TICAM2: variants seen among roughly 807,000 people sequenced by gnomAD.
TICAM2 encodes the protein TIR domain-containing adapter molecule 2.
TICAM2 carries 8 observed loss-of-function variants against 7.3 expected under a neutral mutation model. The observed-to-expected ratio is 1.10, with a 90% confidence interval of 0.65 to 1.99. The LOEUF (loss-of-function observed/expected upper bound fraction) is 1.99. Ranked by LOEUF, TICAM2 falls within the 30% of genes most tolerant of loss-of-function variation. TICAM2 has a pLI of 0.00. For missense variants in TICAM2, 304 were observed against 278.8 expected (o/e 1.09, Z -0.65); for synonymous variants, 113 against 99.6 (o/e 1.13, Z -0.80).
At chr5:115,588,272 G>A (rs1325843752) in intron 1 of TICAM2, among the ~76,000 whole-genome samples, 1 of 152,158 alleles carries the variant, frequency 6.6e-6, no homozygotes, top group Non-Finnish European at 1.5e-5. Flanking sequence ...TTGGGCACTG[G>A]GTAAGCTCTG....
intron 1 of TICAM2, among the ~76,000 whole-genome samples, chr5:115,596,970 C>T (rs1755536058): frequency 6.6e-6 from 1 of 152,152 alleles, no homozygotes; most frequent in Non-Finnish European, 1.5e-5. Flanking sequence ...AATGCCATCA[C>T]AGTCCTATAT....
chr5:115,599,777 G>C (rs961471993), intron 1 of TICAM2, among the ~76,000 whole-genome samples: 1 of 152,178 alleles, frequency 6.6e-6, no homozygotes, highest in Non-Finnish European at 1.5e-5. Context: ...GGGAAGTCAG[G>C]AGATGAGTTC....
intron 1 of TICAM2, among the ~76,000 whole-genome samples, chr5:115,587,728 T>C (rs974476461): frequency 2.6e-5 from 4 of 152,150 alleles, no homozygotes; most frequent in Admixed American, 6.5e-5. Context: ...CTGGGACCTA[T>C]GGAGCTTGGG....
chr5:115,580,813 C>T lies in TICAM2; in HGVS notation c.444G>A (p.Trp148Ter), dbSNP rs1024977377. Residue 148 changes from tryptophan (W) to a stop codon, truncating the protein, a stop_gained, in exon 2 of 2, where the codon TGG becomes TGA. Transcript: ENST00000427199. LOFTEE classifies it high-confidence loss of function. ...GGGACGTATAGAACTGGAAATTACA[C>T]CAAGTATCTCTTAAAAAGTTTTCAG... ...LLTENFLRDTWCNFQFYTSLM... is the reference protein window; with the variant it reads ...LLTENFLRDT The T allele has an allele frequency of 5.6e-6, 9 of 1,601,240 alleles. No individual in the cohort carries two copies. Among genetic ancestry groups the T allele is most frequent in the Non-Finnish European group, 6.8e-6 (8 of 1,173,116 alleles).
At position 115,588,810 on chromosome 5, in the gene TICAM2, G is replaced by T. The variant is rs1755204332; in HGVS notation, c.-59-7495C>A. On this transcript the variant is annotated intron_variant, in intron 1 of 1. Transcript: ENST00000427199. ...TTGCTGGCTAAGATTCTGGTAGAGT[G>T]GGCATAATTAAGGAGCTGGCTGCTT... is the stretch of plus-strand genomic sequence containing the variant. Among the ~76,000 whole-genome samples, 3 of 152,192 alleles carry T rather than the reference G, an allele frequency of 2.0e-5. No individual in the cohort carries two copies. The South Asian group carries it at 6.2e-4, about 32-fold the overall frequency.
At chr5:115,596,313 T>C (rs1755508211) in intron 1 of TICAM2, among the ~76,000 whole-genome samples, 1 of 152,214 alleles carries the variant, frequency 6.6e-6, no homozygotes, top group Non-Finnish European at 1.5e-5. Context: ...TTTCAAAACA[T>C]CTGATTTGAG....
chr5:115,597,254 G>A (rs1755544828), intron 1 of TICAM2, among the ~76,000 whole-genome samples: 1 of 152,116 alleles, frequency 6.6e-6, no homozygotes, highest in Non-Finnish European at 1.5e-5. Flanking sequence ...TAGGTTGACA[G>A]ACCTTTTTGT....
At position 115,578,515 on chromosome 5, in the gene TICAM2, T is replaced by G. The variant is rs891287280; in HGVS notation, c.*2034A>C. On this transcript the variant is annotated 3_prime_UTR_variant, in exon 2 of 2. Transcript: ENST00000427199. ...GCCCGGCCAACATTTTTCTTTATCA[T>G]AAAAAAAATATGGAACTCCAAATTG... 1 of 151,714 alleles carries G rather than the reference T, an allele frequency of 6.6e-6. No individual in the cohort carries two copies. The highest frequency in any genetic ancestry group is 1.5e-5 in the Non-Finnish European group (1 of 67,926). The allele number at this position is 151,714 out of a possible 1,614,324, so 9.4% of individuals were successfully genotyped here. A position where few individuals can be genotyped will look rare whatever the true frequency, so the allele number is the denominator to read the frequency against.
intron 1 of TICAM2, among the ~76,000 whole-genome samples, chr5:115,600,455 A>G (rs450195): frequency 6.6e-6 from 1 of 152,248 alleles, no homozygotes; most frequent in African/African-American, 2.4e-5. Flanking sequence ...GGCTAGAAAA[A>G]TATGGCCAAG....
rs886530761 is a variant in TICAM2, at chr5:115,579,072, A to C, written c.*1477T>G. On this transcript the variant is annotated 3_prime_UTR_variant, in exon 2 of 2. Coordinates refer to ENST00000427199, the MANE Select transcript of TICAM2 (RefSeq NM_021649.7). ...AAAATGTCTTTACTCAAGGATCTCT[A>C]TAAAAATTTATTTTTAAGAAAGCCT... 3.9e-5 allele frequency: 6 copies of C among 152,682 alleles called. No homozygotes were observed. Among genetic ancestry groups the C allele is most frequent in the African/African-American group, 1.4e-4 (6 of 41,464 alleles). 9.5% of individuals were successfully genotyped at this position (152,682 alleles called of 1,614,324 possible). A position where few individuals can be genotyped will look rare whatever the true frequency, so the allele number is the denominator to read the frequency against.
intron 1 of TICAM2, among the ~76,000 whole-genome samples, chr5:115,600,147 C>T (rs1755667017): frequency 6.6e-6 from 1 of 152,064 alleles, no homozygotes; most frequent in Non-Finnish European, 1.5e-5. Flanking sequence ...CCTAGAATTC[C>T]GGCCTACTTG....
rs1039298609 is a variant in TICAM2, at chr5:115,579,020, T to G, written c.*1529A>C. The G allele has an allele frequency of 2.6e-5, 4 of 152,410 alleles. No homozygotes were observed. Among genetic ancestry groups the G allele is most frequent in the Non-Finnish European group, 5.9e-5 (4 of 67,958 alleles). The allele number at this position is 152,410 out of a possible 1,614,324, so 9.4% of individuals were successfully genotyped here. A position where few individuals can be genotyped will look rare whatever the true frequency, so the allele number is the denominator to read the frequency against. On this transcript the variant is annotated 3_prime_UTR_variant, in exon 2 of 2. Coordinates refer to ENST00000427199, the MANE Select transcript of TICAM2 (RefSeq NM_021649.7). ...CCGGTACTGGTAGGGGATATACAAG[T>G]GGGGAATAAGAAAAAAGAAATTAAG... is the stretch of plus-strand genomic sequence containing the variant.
intron 1 of TICAM2, among the ~76,000 whole-genome samples, chr5:115,589,519 A>G (rs566830861): frequency 1.3e-5 from 2 of 152,374 alleles, no homozygotes; most frequent in Admixed American, 6.5e-5. Flanking sequence ...CAGAGAATCA[A>G]TAAGGATGGC....
chr5:115,580,457 T>C lies in TICAM2; in HGVS notation c.*92A>G. The stretch of plus-strand genomic sequence containing the variant: ...TTTCTTTAAGGTGAAGACTCTCTTT[T>C]ATTTAAACATTTCCTAGAAACTGCT... On this transcript the variant is annotated 3_prime_UTR_variant, in exon 2 of 2. Coordinates refer to ENST00000427199, the MANE Select transcript of TICAM2 (RefSeq NM_021649.7). 7.2e-7 allele frequency: 1 copy of C among 1,396,188 alleles called. No homozygotes were observed. Among genetic ancestry groups the C allele is most frequent in the South Asian group, 1.7e-5 (1 of 59,520 alleles). 86.5% of individuals were successfully genotyped at this position (1,396,188 alleles called of 1,614,324 possible).
chr5:115,585,798 A>G (rs893958212), intron 1 of TICAM2, among the ~76,000 whole-genome samples: 2 of 152,204 alleles, frequency 1.3e-5, no homozygotes, highest in Non-Finnish European at 2.9e-5. Context: ...TAGTTTTCAC[A>G]GGATCACTTT....
chr5:115,585,796 A>AC (rs1294232192), intron 1 of TICAM2, among the ~76,000 whole-genome samples: 2 of 152,200 alleles, frequency 1.3e-5, no homozygotes, highest in Middle Eastern at 3.2e-3. Flanking sequence ...ACTAGTTTTC[A>AC]CAGGATCACT....
intron 1 of TICAM2, among the ~76,000 whole-genome samples, chr5:115,583,497 A>C (rs980916205): frequency 1.3e-5 from 2 of 152,228 alleles, no homozygotes; most frequent in Non-Finnish European, 2.9e-5. Flanking sequence ...ATGTGTTCCA[A>C]CTTCCAAGCA....
At chr5:115,583,659 C>A (rs934166773) in intron 1 of TICAM2, among the ~76,000 whole-genome samples, 3 of 152,200 alleles carry the variant, frequency 2.0e-5, no homozygotes, top group Non-Finnish European at 4.4e-5. Flanking sequence ...CACTGTGACT[C>A]AGACATGGAG....
chr5:115,598,884 C>T (rs187105996), intron 1 of TICAM2, among the ~76,000 whole-genome samples: 108 of 152,118 alleles, frequency 7.1e-4, no homozygotes, highest in African/African-American at 2.5e-3. Flanking sequence ...TTAGTTGCTA[C>T]ACCTCTTCAT....
Sources: gnomAD v4.1 joint callset for allele counts (sites outside exome capture counted in the v4.1 genomes callset) on GRCh38, gnomAD v4.1.1 for gene constraint, MANE v1.5 for transcripts, NCBI Gene and HGNC (gene_info 2026-07-23, HGNC 2026-07-21) for gene names.